DRAP1: variants seen among roughly 807,000 people sequenced by gnomAD.
DRAP1 encodes dr1-associated corepressor.
In DRAP1, 10 loss-of-function variants were observed where a neutral mutation model predicts 24.1. The ratio of observed to expected loss-of-function variants is 0.41; its 90% CI spans 0.26 to 0.70. The LOEUF (loss-of-function observed/expected upper bound fraction) is 0.70. DRAP1 is among the 30% of genes least tolerant of loss of function. The pLI, the probability that DRAP1 is intolerant of heterozygous loss-of-function variation, is 0.29. For synonymous variants in DRAP1, 122 were observed against 113.8 expected (o/e 1.07, Z -0.46); for missense variants, 264 against 275.6 (o/e 0.96, Z 0.30).
chr11:65,920,534 A>C, intron 4 of DRAP1, 35 bp from the exon 5 acceptor site: 1 of 1,609,118 alleles, frequency 6.2e-7, no homozygotes, highest in Non-Finnish European at 8.5e-7. Context: ...AGGAGTAGGG[A>C]GCACTCCGGG....
At position 65,919,498 on chromosome 11, in the gene DRAP1, C is replaced by T. The variant is rs2134832609; in HGVS notation, c.-4C>T. 2.6e-6 allele frequency: 4 copies of T among 1,542,820 alleles called. No individual in the cohort carries two copies. The South Asian group carries it at 4.8e-5, about 18-fold the overall frequency. ...GGACCCGACGCGGCGAGAGAGGCCC[C>T]GAGATGCCGAGCAAGAAGAAGAAGT... is the stretch of plus-strand genomic sequence containing the variant. On this transcript the variant is annotated 5_prime_UTR_variant, in exon 1 of 7. Transcript: ENST00000312515.
In DRAP1 at chr11:65,919,930, C is replaced by G. The variant is rs1854526793; in HGVS notation, c.116-18C>G. On this transcript the variant is annotated intron_variant, in intron 2 of 6. Transcript: ENST00000312515. Reference sequence around the variant, plus strand: ...GGTCGCCCTCTCCTGCCCCGGAGTTCTCCTTGACGCTCCTCAGCCCGGGCG... The same window carrying G: ...GGTCGCCCTCTCCTGCCCCGGAGTTGTCCTTGACGCTCCTCAGCCCGGGCG... The G allele has an allele frequency of 6.2e-7, 1 of 1,613,632 alleles. No individual in the cohort carries two copies. The highest frequency in any genetic ancestry group is 8.5e-7 in the Non-Finnish European group (1 of 1,179,896).
At chr11:65,920,704 G>A (rs561528442) in intron 5 of DRAP1, 42 bp downstream of exon 5, 1 of 1,462,934 alleles carries the variant, frequency 6.8e-7, no homozygotes, top group Admixed American at 2.6e-5. Flanking sequence ...TTGGTGATGG[G>A]ACAGGCAGCC....
intron 5 of DRAP1, 51 bp from the exon 6 acceptor site, chr11:65,920,833 T>G: frequency 6.4e-7 from 1 of 1,556,598 alleles, no homozygotes; most frequent in Non-Finnish European, 8.7e-7. Flanking sequence ...CCACTCCCAG[T>G]GATGGGTTCG....
chr11:65,920,044 G>T lies in DRAP1; in HGVS notation c.209+3G>T, dbSNP rs774920841. The T allele has an allele frequency of 6.2e-7, 1 of 1,612,634 alleles. No individual in the cohort carries two copies. The highest frequency in any genetic ancestry group is 1.1e-5 in the South Asian group (1 of 90,962). On this transcript the variant is annotated splice_donor_region_variant and intron_variant, in intron 3 of 6. Transcript: ENST00000312515. ...AAGACCATGACCACATCCCACCTGT[G>T]AGCGGCGAGGAGCCGGGAGGGGCCG...
Position 65,921,519 on chromosome 11 carries a change from A to G in DRAP1, c.*84A>G, listed in dbSNP as rs1854551368. The G allele has an allele frequency of 1.6e-6, 1 of 609,390 alleles. No homozygotes were observed. Among genetic ancestry groups the G allele is most frequent in the African/African-American group, 1.9e-5 (1 of 52,524 alleles). 37.7% of individuals were successfully genotyped at this position (609,390 alleles called of 1,614,324 possible). ...GGAGAGAAGGTAGAGCTGTTCTTAA[A>G]TTTATTAAAAAAAAAAATAAAAGGG... On this transcript the variant is annotated 3_prime_UTR_variant, in exon 7 of 7. Coordinates refer to ENST00000312515, the MANE Select transcript of DRAP1 (RefSeq NM_006442.4).
In DRAP1 at chr11:65,920,908, G is replaced by A; in HGVS notation, c.448G>A (p.Asp150Asn). ...GGATGAATCTGAGGACACAGATACTGATGGGGAAGAGGAGACATCACAACC... is the reference window on the plus strand; with the variant it reads ...GGATGAATCTGAGGACACAGATACTAATGGGGAAGAGGAGACATCACAACC... ...QEDESEDTDT[D>N]GEEETSQPPP... The change falls in exon 6 of 7, where the codon GAT (aspartate) becomes AAT (asparagine). Residue 150 changes from aspartate to asparagine, a missense_variant. Physicochemically the swap from Asp to Asn is conservative, Grantham distance 23 (BLOSUM62 1). Coordinates refer to ENST00000312515, the MANE Select transcript of DRAP1 (RefSeq NM_006442.4). 1 of 1,613,454 alleles carries A rather than the reference G, an allele frequency of 6.2e-7. No individual in the cohort carries two copies.
chr11:65,920,361 G>A lies in DRAP1; in HGVS notation c.228G>A (p.Leu76=), dbSNP rs1854532497. The part of the protein sequence containing the change: ...TTSHLKQCIE[L]EQQFDFLKDL... ...CTTCCAGGAAGCAGTGCATCGAGCT[G>A]GAGCAGCAGTTTGACTTCTTGAAGG... Residue 76 remains leucine, a synonymous_variant, in exon 4 of 7, where the codon CTG becomes CTA. Transcript: ENST00000312515. 1.2e-6 allele frequency: 2 copies of A among 1,613,988 alleles called. No homozygotes were observed. Among genetic ancestry groups the A allele is most frequent in the Non-Finnish European group, 1.7e-6 (2 of 1,180,032 alleles).
intron 3 of DRAP1, 126 bp from the exon 4 acceptor site, chr11:65,920,217 G>A: frequency 2.0e-6 from 3 of 1,501,672 alleles, no homozygotes; most frequent in Non-Finnish European, 2.7e-6. Context: ...GAGTAAAGCA[G>A]GGCAGGCCCG....
At position 65,919,821 on chromosome 11, in the gene DRAP1, G is replaced by C. The variant is rs751562598; in HGVS notation, c.84G>C (p.Gly28=). The change falls in exon 2 of 7, where the codon GGG becomes GGC. Residue 28 remains glycine (G), a synonymous_variant. Transcript: ENST00000312515. ...KKIMQTDEEI[G]KVAAAVPVII... ...TCATGCAGACGGACGAAGAGATTGG[G>C]AAGGTGGCGGCGGCGGTGCCTGTCA... 1 of 1,613,016 alleles carries C rather than the reference G, an allele frequency of 6.2e-7. No homozygotes were observed.
intron 4 of DRAP1, 46 bp from the exon 5 acceptor site, chr11:65,920,523 A>G (rs1854534987): frequency 1.9e-6 from 3 of 1,611,122 alleles, no homozygotes; most frequent in Non-Finnish European, 2.5e-6. Context: ...GGGGGTGGCC[A>G]AGGAGTAGGG....
At chr11:65,920,225 C>T in intron 3 of DRAP1, 118 bp from the exon 4 acceptor site, 1 of 1,524,006 alleles carries the variant, frequency 6.6e-7, no homozygotes, top group Non-Finnish European at 8.9e-7. Flanking sequence ...CAGGGCAGGC[C>T]CGGGAGCGGA....
At chr11:65,919,619 G>A in intron 1 of DRAP1, 76 bp downstream of exon 1, 1 of 1,541,844 alleles carries the variant, frequency 6.5e-7, no homozygotes, top group Non-Finnish European at 8.7e-7. Context: ...CTGGGCAGGC[G>A]GGCGCGCCGC....
intron 1 of DRAP1, 113 bp downstream of exon 1, chr11:65,919,656 C>G: frequency 6.6e-7 from 1 of 1,513,614 alleles, no homozygotes; most frequent in Non-Finnish European, 8.9e-7. Flanking sequence ...GACGCCCCGC[C>G]CCCTCCATGC....
chr11:65,920,808 C>T, intron 5 of DRAP1, 76 bp from the exon 6 acceptor site: 1 of 1,502,800 alleles, frequency 6.7e-7, no homozygotes, highest in Non-Finnish European at 9.0e-7. Context: ...CTATGAGGGT[C>T]TACTGCTGTC....
At chr11:65,920,259 C>A in intron 3 of DRAP1, 84 bp from the exon 4 acceptor site, 1 of 1,590,026 alleles carries the variant, frequency 6.3e-7, no homozygotes. Context: ...TCCAGCCTGA[C>A]ATCTGGGGCC....
At chr11:65,919,922 C>T in intron 2 of DRAP1, 26 bp from the exon 3 acceptor site, 1 of 1,613,690 alleles carries the variant, frequency 6.2e-7, no homozygotes, top group East Asian at 2.2e-5. Flanking sequence ...CTCTCCTGCC[C>T]CGGAGTTCTC....
At chr11:65,921,045 G>A in intron 6 of DRAP1, 73 bp downstream of exon 6, 2 of 1,190,298 alleles carry the variant, frequency 1.7e-6, no homozygotes, top group Non-Finnish European at 2.3e-6. Flanking sequence ...GTTCTCCCTG[G>A]CCCCTTGGTC....
intron 3 of DRAP1, 68 bp downstream of exon 3, chr11:65,920,109 G>A: frequency 6.4e-7 from 1 of 1,564,824 alleles, no homozygotes; most frequent in Middle Eastern, 1.7e-4. Context: ...GAGGAAGGCA[G>A]AGCCTGGGTG....
Sources: allele counts gnomAD v4.1 joint callset, GRCh38; gene constraint gnomAD v4.1.1; transcripts MANE v1.5; gene names NCBI Gene and HGNC (gene_info 2026-07-23, HGNC 2026-07-21).